The following CUL3 variants were observed in gnomAD, a reference collection of about 807,000 sequenced individuals.
CUL3 encodes cullin-3.
Under a neutral mutation model 89.1 loss-of-function variants are expected in CUL3, and 19 were observed. The ratio of observed to expected loss-of-function variants is 0.21; its 90% CI spans 0.15 to 0.31. The LOEUF (loss-of-function observed/expected upper bound fraction) is 0.31, where lower values mean the gene tolerates loss of function less well. Ranked by LOEUF, CUL3 falls within the 10% of genes least tolerant of loss-of-function variation. The probability of loss-of-function intolerance (pLI) is 1.00; values close to 1 mark genes in which losing one functional copy is unlikely to be tolerated. For synonymous variants in CUL3, 351 were observed against 308.4 expected (o/e 1.14, Z -1.45); for missense variants, 469 against 942.3 (o/e 0.50, Z 6.58).
rs1559332832 is a variant in CUL3 at position 224,474,168 on chromosome 2, T to G, written c.*77A>C. 2.1e-6 allele frequency: 3 copies of G among 1,422,280 alleles called. No individual in the cohort carries two copies. The highest frequency in any genetic ancestry group is 4.6e-5 in the East Asian group (2 of 43,660). 88.1% of individuals were successfully genotyped at this position (1,422,280 alleles called of 1,614,324 possible). A position where few individuals can be genotyped will look rare whatever the true frequency, so the allele number is the denominator to read the frequency against. Reference sequence around the variant, plus strand: ...TTAATAGAAGAGATGGTCGTCTTAATATTTAATGATTTAAAAGAACTTCCC... The same window carrying G: ...TTAATAGAAGAGATGGTCGTCTTAAGATTTAATGATTTAAAAGAACTTCCC... On this transcript the variant is annotated 3_prime_UTR_variant, in exon 16 of 16. Transcript: ENST00000264414.
At chr2:224,482,769 C>T (rs905293054) in intron 13 of CUL3, among the ~76,000 whole-genome samples, 3 of 152,158 alleles carry the variant, frequency 2.0e-5, no homozygotes, top group African/African-American at 7.2e-5. Flanking sequence ...ATTCACTATT[C>T]TGTCAGTGGG....
At chr2:224,548,865 T>C (rs1174155908) in intron 2 of CUL3, among the ~76,000 whole-genome samples, 1 of 151,898 alleles carries the variant, frequency 6.6e-6, no homozygotes, top group Admixed American at 6.6e-5. Flanking sequence ...TAGCCAGGCA[T>C]GGTGGCACGT....
chr2:224,578,894 T>C (rs1294810184), intron 1 of CUL3, among the ~76,000 whole-genome samples: 1 of 152,194 alleles, frequency 6.6e-6, no homozygotes, highest in Non-Finnish European at 1.5e-5. Context: ...GCCTTAATCA[T>C]ATAATCTTCC....
intron 3 of CUL3, among the ~76,000 whole-genome samples, chr2:224,526,413 C>T (rs371378097): frequency 6.6e-6 from 1 of 151,676 alleles, no homozygotes; most frequent in East Asian, 1.9e-4. Flanking sequence ...TGGTGAATCC[C>T]GTCTTTAAGA....
chr2:224,547,424 G>A (rs1334182385), intron 2 of CUL3, among the ~76,000 whole-genome samples: 1 of 152,092 alleles, frequency 6.6e-6, no homozygotes, highest in Non-Finnish European at 1.5e-5. Flanking sequence ...TACCGGGACA[G>A]TATTTTGGCT....
chr2:224,480,099 AGGT>A (rs71062931), intron 14 of CUL3: 3,047 of 151,436 alleles, frequency 0.02, 36 homozygotes, highest in Non-Finnish European at 0.026. Context: ...TGAGAAAGGC[AGGT>A]GGTGGTGGTG....
chr2:224,560,095 GA>G (rs1694857118), intron 1 of CUL3, among the ~76,000 whole-genome samples: 1 of 151,406 alleles, frequency 6.6e-6, no homozygotes, highest in Non-Finnish European at 1.5e-5. Context: ...AAAAGAAGAA[GA>G]AAAAAAAGAA....
At chr2:224,495,516 T>C (rs945187379) in intron 13 of CUL3, 1 of 181,266 alleles carries the variant, frequency 5.5e-6, no homozygotes, top group African/African-American at 2.4e-5. Flanking sequence ...ACAACGCAAT[T>C]TTGGAGGTAA....
intron 1 of CUL3, among the ~76,000 whole-genome samples, chr2:224,560,903 C>T (rs1451904712): frequency 2.0e-5 from 3 of 152,140 alleles, no homozygotes; most frequent in African/African-American, 4.8e-5. Flanking sequence ...TCCTTTTGTT[C>T]GCTCTGCTCC....
chr2:224,506,186 AT>A, intron 7 of CUL3, 54 bp from the exon 8 acceptor site: 2 of 1,209,998 alleles, frequency 1.7e-6, no homozygotes, highest in Non-Finnish European at 2.3e-6. Flanking sequence ...TCCATAAATA[AT>A]ACACTTATGA....
intron 1 of CUL3, among the ~76,000 whole-genome samples, chr2:224,583,855 A>G (rs1200083963): frequency 6.6e-6 from 1 of 152,228 alleles, no homozygotes; most frequent in African/African-American, 2.4e-5. Context: ...AAAAGTGACA[A>G]CAAATCCCCC....
chr2:224,553,337 G>A (rs1694584953), intron 2 of CUL3, among the ~76,000 whole-genome samples: 1 of 152,120 alleles, frequency 6.6e-6, no homozygotes, highest in Non-Finnish European at 1.5e-5. Context: ...AAAATTGACT[G>A]GTCAAATGAG....
In CUL3 at chr2:224,516,618, C is replaced by T. The variant is rs542273784; in HGVS notation, c.379-1846G>A. On this transcript the variant is annotated intron_variant, in intron 3 of 15. Coordinates refer to ENST00000264414, the MANE Select transcript of CUL3 (RefSeq NM_003590.5). The stretch of plus-strand genomic sequence containing the variant: ...GCGCGAGCCTCTGAGCCCAGCCTCC[C>T]TCCTTGCTTTTGATGGCTAACACTG... Among the ~76,000 whole-genome samples, 162 of 151,624 alleles carry T rather than the reference C, an allele frequency of 1.1e-3. 1 individual carries two copies. Among genetic ancestry groups the T allele is most frequent in the African/African-American group, 3.7e-3 (152 of 41,354 alleles).
chr2:224,574,233 T>A (rs535179210), intron 1 of CUL3, among the ~76,000 whole-genome samples: 6 of 152,312 alleles, frequency 3.9e-5, no homozygotes, highest in African/African-American at 1.4e-4. Flanking sequence ...AAAGAGTAAA[T>A]TTGGGTCCAA....
intron 13 of CUL3, among the ~76,000 whole-genome samples, chr2:224,493,149 C>T (rs770034240): frequency 5.3e-5 from 8 of 152,112 alleles, no homozygotes; most frequent in Admixed American, 4.6e-4. Context: ...CCCACAGAAA[C>T]GAGAGATAAT....
At chr2:224,483,726 A>G (rs1453300988) in intron 13 of CUL3, among the ~76,000 whole-genome samples, 1 of 152,188 alleles carries the variant, frequency 6.6e-6, no homozygotes, top group Non-Finnish European at 1.5e-5. Context: ...GCTAGCAAAA[A>G]GAGATTAAAG....
chr2:224,517,991 GA>G (rs1254230240), intron 3 of CUL3, among the ~76,000 whole-genome samples: 1 of 151,814 alleles, frequency 6.6e-6, no homozygotes, highest in African/African-American at 2.4e-5. Context: ...AGTACAATTC[GA>G]ATACACAGGT....
intron 2 of CUL3, 91 bp downstream of exon 2, chr2:224,557,568 A>T: frequency 1.2e-6 from 1 of 869,224 alleles, no homozygotes; most frequent in Non-Finnish European, 1.7e-6. Flanking sequence ...TGGCACCTTT[A>T]AAAAGAACAC....
At chr2:224,554,099 G>A (rs1002606960) in intron 2 of CUL3, among the ~76,000 whole-genome samples, 3 of 152,018 alleles carry the variant, frequency 2.0e-5, no homozygotes, top group South Asian at 2.1e-4. Flanking sequence ...CTCTTTGGAC[G>A]AGCCACTTCT....
Sources: allele counts gnomAD v4.1 joint callset (sites outside exome capture counted in the v4.1 genomes callset), GRCh38; gene constraint gnomAD v4.1.1; transcripts MANE v1.5; gene names NCBI Gene and HGNC (gene_info 2026-07-23, HGNC 2026-07-21).